THEMIS: variants seen among roughly 807,000 people sequenced by gnomAD.
THEMIS encodes thymocyte selection associated, also known as protein THEMIS.
In THEMIS, 37 loss-of-function variants were observed where a neutral mutation model predicts 52.6. The observed-to-expected ratio is 0.70, with a 90% CI of 0.54 to 0.93. The LOEUF (loss-of-function observed/expected upper bound fraction) is 0.93. THEMIS is among the 40% of genes least tolerant of loss of function. THEMIS has a pLI of 0.00. For synonymous variants in THEMIS, 292 were observed against 272.7 expected (o/e 1.07, Z -0.70); for missense variants, 808 against 763.1 (o/e 1.06, Z -0.69).
intron 4 of THEMIS, among the ~76,000 whole-genome samples, chr6:127,792,110 G>C (rs1230293724): frequency 6.6e-6 from 1 of 152,170 alleles, no homozygotes; most frequent in African/African-American, 2.4e-5. Flanking sequence ...CAGTTCTATG[G>C]AGCACTCAGC....
chr6:127,705,153 G>A (rs1330434554), downstream of THEMIS, among the ~76,000 whole-genome samples: 1 of 152,100 alleles, frequency 6.6e-6, no homozygotes, highest in Non-Finnish European at 1.5e-5. Context: ...TGAATATCAT[G>A]GATAAAAATA....
chr6:127,752,142 CTT>C (rs796393471), intron 4 of THEMIS, among the ~76,000 whole-genome samples: 11 of 151,654 alleles, frequency 7.3e-5, no homozygotes, highest in African/African-American at 2.7e-4. Context: ...CATATCCAAA[CTT>C]ATAGGATGCA....
chr6:127,791,330 C>T (rs1777148663), intron 4 of THEMIS, among the ~76,000 whole-genome samples: 1 of 152,086 alleles, frequency 6.6e-6, no homozygotes, highest in Non-Finnish European at 1.5e-5. Context: ...GTGGGTAGCT[C>T]CTTTCTGCAG....
At chr6:127,795,354 A>T (rs1440454534) in intron 4 of THEMIS, among the ~76,000 whole-genome samples, 1 of 152,156 alleles carries the variant, frequency 6.6e-6, no homozygotes, top group Non-Finnish European at 1.5e-5. Context: ...TTTGAGATGG[A>T]GTCTTGCTCT....
chr6:127,721,472 C>A (rs1774360060), intron 4 of THEMIS, among the ~76,000 whole-genome samples: 1 of 151,988 alleles, frequency 6.6e-6, no homozygotes, highest in Non-Finnish European at 1.5e-5. Flanking sequence ...ATTGCTTATG[C>A]AGATAATTAA....
chr6:127,903,125 A>AT (rs1053756809), upstream of THEMIS, among the ~76,000 whole-genome samples: 11 of 151,842 alleles, frequency 7.2e-5, no homozygotes, highest in South Asian at 2.1e-4. Context: ...GTGAGATGCC[A>AT]TTTTTTTTCT....
intron 4 of THEMIS, among the ~76,000 whole-genome samples, chr6:127,736,504 C>T (rs1038256696): frequency 7.9e-5 from 12 of 152,048 alleles, no homozygotes; most frequent in African/African-American, 2.2e-4. Context: ...ATCTAGCCCC[C>T]GGATCACATA....
At chr6:127,712,678 A>G (rs1235323409) in intron 5 of THEMIS, among the ~76,000 whole-genome samples, 1 of 151,926 alleles carries the variant, frequency 6.6e-6, no homozygotes, top group African/African-American at 2.4e-5. Context: ...AAATTATTTC[A>G]TTCATAGAAG....
chr6:127,900,403 A>C (rs556790583), intron 1 of THEMIS, among the ~76,000 whole-genome samples: 2 of 152,226 alleles, frequency 1.3e-5, no homozygotes, highest in East Asian at 3.9e-4. Flanking sequence ...AGCAACATTT[A>C]GGAGCTAAAA....
chr6:127,703,738 A>G (rs1468808831), downstream of THEMIS, among the ~76,000 whole-genome samples: 1 of 152,244 alleles, frequency 6.6e-6, no homozygotes, highest in Non-Finnish European at 1.5e-5. Context: ...CATATGGATA[A>G]AAATTTTAAG....
In THEMIS at chr6:127,813,705, C is replaced by G. The variant is rs1207756130; in HGVS notation, c.936G>C (p.Lys312Asn). ...QPGKTIVIHK[K>N]YQASRILASE... The stretch of plus-strand genomic sequence containing the variant: ...AAGCTAAGATTCTTGATGCCTGGTA[C>G]TTTTTGTGGATCACAATGGTTTTCC... Residue 312 changes from lysine (K) to asparagine (N), a missense_variant, in exon 4 of 6, where the codon AAG (lysine) becomes AAC (asparagine). Transcript: ENST00000368248. 1 of 1,613,900 alleles carries G rather than the reference C, an allele frequency of 6.2e-7. No homozygotes were observed. Among genetic ancestry groups the G allele is most frequent in the Non-Finnish European group, 8.5e-7 (1 of 1,179,972 alleles).
At chr6:127,774,764 T>C (rs946619738) in intron 4 of THEMIS, among the ~76,000 whole-genome samples, 2 of 152,134 alleles carry the variant, frequency 1.3e-5, no homozygotes, top group African/African-American at 4.8e-5. Flanking sequence ...CTCATCACCA[T>C]CAGTATTATA....
chr6:127,704,949 CACTT>C (rs1367625303), downstream of THEMIS, among the ~76,000 whole-genome samples: 1 of 152,216 alleles, frequency 6.6e-6, no homozygotes, highest in Non-Finnish European at 1.5e-5. Context: ...ACTAGAGCCT[CACTT>C]AGGAGTGGGT....
downstream of THEMIS, among the ~76,000 whole-genome samples, chr6:127,703,434 G>T (rs1773755380): frequency 1.3e-5 from 2 of 152,228 alleles, no homozygotes; most frequent in African/African-American, 2.4e-5. Flanking sequence ...TTTAATAAGG[G>T]TATGAAGCAG....
At chr6:127,703,087 G>T (rs542972094), downstream of THEMIS, among the ~76,000 whole-genome samples, 3 of 107,894 alleles carry the variant, frequency 2.8e-5, no homozygotes, top group South Asian at 8.8e-4. Flanking sequence ...TCGCTCTGTC[G>T]CCCAGGCTGG....
chr6:127,866,903 C>T (rs62426467), intron 1 of THEMIS, among the ~76,000 whole-genome samples: 7 of 151,564 alleles, frequency 4.6e-5, no homozygotes, highest in Non-Finnish European at 1.0e-4. Flanking sequence ...ACACTAATGC[C>T]AGGCACAAAG....
chr6:127,763,096 C>T (rs1472325646), intron 4 of THEMIS, among the ~76,000 whole-genome samples: 7 of 151,906 alleles, frequency 4.6e-5, no homozygotes, highest in Non-Finnish European at 1.0e-4. Flanking sequence ...AGGGTTTACT[C>T]TCTTACCTAT....
At chr6:127,796,341 C>T (rs1398590603) in intron 4 of THEMIS, among the ~76,000 whole-genome samples, 2 of 152,058 alleles carry the variant, frequency 1.3e-5, no homozygotes, top group African/African-American at 4.8e-5. Context: ...CCATTATCAC[C>T]AAACCTTCAG....
At chr6:127,787,609 T>C (rs933564513) in intron 4 of THEMIS, among the ~76,000 whole-genome samples, 1 of 152,196 alleles carries the variant, frequency 6.6e-6, no homozygotes, top group African/African-American at 2.4e-5. Flanking sequence ...TGGGATCTGT[T>C]TTTTGAATGT....
Sources: gnomAD v4.1 joint callset for allele counts (sites outside exome capture counted in the v4.1 genomes callset) on GRCh38, gnomAD v4.1.1 for gene constraint, MANE v1.5 for transcripts, NCBI Gene and HGNC (gene_info 2026-07-23, HGNC 2026-07-21) for gene names.